UNC79: variants seen among roughly 807,000 people sequenced by gnomAD.
UNC79 encodes unc-79 subunit of NALCN channel complex.
Under a neutral mutation model 283.1 loss-of-function variants are expected in UNC79, and 37 were observed. That is an observed-to-expected ratio of 0.13 (90% CI 0.10 to 0.17). The LOEUF (loss-of-function observed/expected upper bound fraction) is 0.17. Among genes scored for constraint, UNC79 ranks in the 10% least tolerant of loss-of-function variants. The pLI is 1.00. For missense variants in UNC79, 2,272 were observed against 3,211.1 expected (o/e 0.71, Z 7.07); for synonymous variants, 1,107 against 1,200.2 (o/e 0.92, Z 1.61).
chr14:93,488,085 A>G (rs1167511614), intron 5 of UNC79, among the ~76,000 whole-genome samples: 2 of 152,214 alleles, frequency 1.3e-5, no homozygotes, highest in Non-Finnish European at 1.5e-5. Flanking sequence ...ATTTTGGTAA[A>G]TTGGCTACCC....
chr14:93,347,742 C>T (rs1226892231), intron 1 of UNC79, among the ~76,000 whole-genome samples: 2 of 151,948 alleles, frequency 1.3e-5, no homozygotes, highest in Non-Finnish European at 2.9e-5. Flanking sequence ...ACGTCCTCGG[C>T]ACTGCGAAGA....
At chr14:93,347,522 C>T in intron 1 of UNC79, 1 of 1,145,430 alleles carries the variant, frequency 8.7e-7, no homozygotes, top group Non-Finnish European at 1.1e-6. Flanking sequence ...GCTTGGTCGC[C>T]GTTGGGGGAG....
At chr14:93,381,731 T>G (rs970256649) in intron 1 of UNC79, among the ~76,000 whole-genome samples, 2 of 152,244 alleles carry the variant, frequency 1.3e-5, no homozygotes, top group Non-Finnish European at 2.9e-5. Flanking sequence ...TATATTTGCA[T>G]GTGTCACGGG....
intron 1 of UNC79, chr14:93,347,179 A>AC (rs2053860788): frequency 1.4e-6 from 2 of 1,452,868 alleles, no homozygotes; most frequent in East Asian, 5.1e-5. Flanking sequence ...GCCTGCGCAA[A>AC]CCAGCTGCCT....
intron 33 of UNC79, among the ~76,000 whole-genome samples, chr14:93,643,072 G>C (rs926780072): frequency 6.6e-6 from 1 of 152,198 alleles, no homozygotes; most frequent in African/African-American, 2.4e-5. Context: ...AGGCTTTCCA[G>C]ATGGTTCTGT....
chr14:93,374,311 G>A (rs1394676225), intron 1 of UNC79, among the ~76,000 whole-genome samples: 1 of 152,166 alleles, frequency 6.6e-6, no homozygotes, highest in Non-Finnish European at 1.5e-5. Context: ...AAAGCCATAG[G>A]GGTAGAGTTA....
exon 26 of UNC79, chr14:93,603,413 A>G: frequency 1.2e-6 from 2 of 1,613,590 alleles, no homozygotes; most frequent in Non-Finnish European, 1.7e-6. Flanking sequence ...CTGACCTCCA[A>G]AATTCGTTGA....
intron 7 of UNC79, among the ~76,000 whole-genome samples, chr14:93,511,069 C>T (rs980869535): frequency 2.0e-5 from 3 of 152,130 alleles, no homozygotes; most frequent in Admixed American, 6.6e-5. Context: ...AAGGGGGAAG[C>T]GGGCACATCT....
At chr14:93,491,391 T>C (rs887054434) in intron 5 of UNC79, among the ~76,000 whole-genome samples, 1 of 152,124 alleles carries the variant, frequency 6.6e-6, no homozygotes, top group Non-Finnish European at 1.5e-5. Flanking sequence ...TATTATGTCC[T>C]TAATAAAACC....
chr14:93,590,383 G>C lies in UNC79; in HGVS notation c.3033-3297G>C, dbSNP rs1010322916. Among the ~76,000 whole-genome samples, 10 of 152,178 alleles carry C rather than the reference G, an allele frequency of 6.6e-5. 1 individual carries two copies. The highest frequency in any genetic ancestry group is 5.9e-4 in the Admixed American group (9 of 15,270). On this transcript the variant is annotated intron_variant, in intron 22 of 48. Coordinates refer to ENST00000555664, the Ensembl canonical transcript of UNC79. ...GGAAAGGGCAGACATGGCTGACCTG[G>C]AGTGGGGAAGAGTAGGAATGACCCG... is the stretch of plus-strand genomic sequence containing the variant.
chr14:93,504,361 ACT>A (rs2140747025), intron 7 of UNC79, among the ~76,000 whole-genome samples: 1 of 152,092 alleles, frequency 6.6e-6, no homozygotes, highest in South Asian at 2.1e-4. Flanking sequence ...ATATACAAAC[ACT>A]CATACTGCTA....
At position 93,525,595 on chromosome 14, in the gene UNC79, C is replaced by T. The variant is rs559700605; in HGVS notation, c.963+1553C>T. 2.0e-5 allele frequency among the ~76,000 whole-genome samples: 3 copies of T among 152,260 alleles called. No individual in the cohort carries two copies. In the South Asian group the frequency reaches 6.2e-4, roughly 32 times the overall value. On this transcript the variant is annotated intron_variant, in intron 8 of 48. Coordinates refer to ENST00000555664, the Ensembl canonical transcript of UNC79. ...TGGAGTGAGGATATTTTGAGCTGCT[C>T]ACATGTGAATTCATAGTTTATTCAT...
chr14:93,408,015 C>G (rs139002928), intron 1 of UNC79, among the ~76,000 whole-genome samples: 5 of 152,204 alleles, frequency 3.3e-5, no homozygotes, highest in African/African-American at 1.2e-4. Flanking sequence ...GCCTGTATAC[C>G]TACAGTTACT....
chr14:93,601,241 C>T (rs1292593761), intron 25 of UNC79, among the ~76,000 whole-genome samples: 5 of 151,918 alleles, frequency 3.3e-5, no homozygotes, highest in Admixed American at 2.6e-4. Flanking sequence ...AGTCTTTTAT[C>T]CCTCACCCCC....
chr14:93,347,478 A>G (rs919185041), intron 1 of UNC79: 1 of 1,355,820 alleles, frequency 7.4e-7, no homozygotes, highest in African/African-American at 1.5e-5. Context: ...AAGGGAGGAC[A>G]CGGCGTGCAG....
chr14:93,469,976 A>G (rs959113791), intron 2 of UNC79, among the ~76,000 whole-genome samples: 2 of 152,190 alleles, frequency 1.3e-5, no homozygotes, highest in Non-Finnish European at 2.9e-5. Flanking sequence ...ACTACAAACA[A>G]GATTTTCTAC....
intron 1 of UNC79, 40 bp downstream of exon 1, chr14:93,431,091 C>G: frequency 1.5e-6 from 1 of 668,130 alleles, no homozygotes; most frequent in Non-Finnish European, 2.7e-6. Context: ...CCGGCCTCGG[C>G]TGGGAGCTAT....
Position 93,531,251 on chromosome 14 carries a change from T to C in UNC79, c.1094-1299T>C, listed in dbSNP as rs1463060561. ...CAAACTGTCAAGTAACCATTAATTA[T>C]ACAAAACCAGTTTTTAAACATGAGT... On this transcript the variant is annotated intron_variant, in intron 10 of 48. Coordinates refer to ENST00000555664, the Ensembl canonical transcript of UNC79. This position sits in a 1 kb window ranked among gnomAD's most constrained non-coding sequence, Gnocchi z 4.2. Among the ~76,000 whole-genome samples the C allele has an allele frequency of 1.3e-5, 2 of 152,228 alleles. No individual in the cohort carries two copies. The highest frequency in any genetic ancestry group is 4.8e-5 in the African/African-American group (2 of 41,460).
At position 93,474,266 on chromosome 14, in the gene UNC79, C is replaced by T. The variant is rs1372490934; in HGVS notation, c.321C>T (p.Pro107=). The T allele has an allele frequency of 1.3e-6, 2 of 1,535,964 alleles. No homozygotes were observed. The highest frequency in any genetic ancestry group is 1.4e-5 in the African/African-American group (1 of 73,038). Residue 107 remains proline, a synonymous_variant, in exon 3 of 49, where the codon CCC becomes CCT. Coordinates refer to ENST00000555664, the Ensembl canonical transcript of UNC79. This position sits in a 1 kb window ranked among gnomAD's most constrained non-coding sequence, Gnocchi z 4.1. ...TTTACAGCGTCCTGCGAGATGCTCC[C>T]TCAGAACGCGGCCCGCAAAGTCGTG...
Sources: gnomAD v4.1 joint callset for allele counts (sites outside exome capture counted in the v4.1 genomes callset) on GRCh38, gnomAD v4.1.1 for gene constraint, Gnocchi (gnomAD v3.1) non-coding constraint, MANE v1.5 for transcripts, NCBI Gene and HGNC (gene_info 2026-07-23, HGNC 2026-07-21) for gene names.